Variants in SUMF2 observed in about 807,000 individuals in gnomAD.
SUMF2 encodes the protein inactive C-alpha-formylglycine-generating enzyme 2.
A neutral mutation model predicts 44.8 loss-of-function variants in SUMF2; 45 were observed. That is an observed-to-expected ratio of 1.00 (90% CI 0.79 to 1.29). The LOEUF is 1.29. Among genes scored for constraint, SUMF2 ranks in the 50% most tolerant of loss-of-function variants. The pLI is 0.00. For synonymous variants in SUMF2, 148 were observed against 150.4 expected (o/e 0.98, Z 0.12); for missense variants, 418 against 389.9 (o/e 1.07, Z -0.61).
chr7:56,068,569 G>A lies in SUMF2; in HGVS notation c.155G>A (p.Gly52Glu). 1.2e-6 allele frequency: 2 copies of A among 1,614,024 alleles called. No homozygotes were observed. The highest frequency in any genetic ancestry group is 1.7e-6 in the Non-Finnish European group (2 of 1,179,974). ...TNSPDSRDGDGPVREATVKPF... is the reference protein window; with the variant it reads ...TNSPDSRDGDEPVREATVKPF... ...TCTCCAGACAGCAGAGATGGTGACG[G>A]GCCTGTGCGGGAGGCGACAGTGAAA... The change falls in exon 2 of 9, where the codon GGG becomes GAG. Residue 52 changes from glycine (G) to glutamate (E), a missense_variant. Transcript: ENST00000434526.
intron 5 of SUMF2, 68 bp from the exon 6 acceptor site, chr7:56,076,766 T>G: frequency 2.1e-6 from 3 of 1,419,930 alleles, no homozygotes; most frequent in Non-Finnish European, 2.9e-6. Flanking sequence ...TCACTCTTTC[T>G]GTGTTCTTTT....
chr7:56,074,565 T>C, intron 4 of SUMF2, 21 bp from the exon 5 acceptor site: 1 of 1,611,160 alleles, frequency 6.2e-7, no homozygotes, highest in Non-Finnish European at 8.5e-7. Context: ...GAAGCCTGTC[T>C]CACTTAATCC....
At chr7:56,081,400 G>C (rs1584617053), downstream of SUMF2, 1 of 1,438,236 alleles carries the variant, frequency 7.0e-7, no homozygotes, top group East Asian at 2.4e-5. The surrounding 1 kb of genome is among the most constrained non-coding windows in gnomAD (Gnocchi z 4.6). Flanking sequence ...CGAAGCCTTG[G>C]GTGGCTTCTG....
chr7:56,076,855 A>C lies in SUMF2; in HGVS notation c.557A>C (p.Asn186Thr). Reference sequence around the variant, plus strand: ...GCAGGTCAAGTTTACCCATGGGGGAACTGGTTCCAGCCAAACCGCACCAAC... The same window carrying C: ...GCAGGTCAAGTTTACCCATGGGGGACCTGGTTCCAGCCAAACCGCACCAAC... ...GLKGQVYPWG[N>T]WFQPNRTNLW... Residue 186 changes from asparagine (N) to threonine (T), a missense_variant, in exon 6 of 9, where the codon AAC (asparagine) becomes ACC (threonine). By Grantham distance (65) the Asn-to-Thr change is moderately conservative (BLOSUM62 0). Coordinates refer to ENST00000434526, the MANE Select transcript of SUMF2 (RefSeq NM_015411.4). 1 of 1,602,950 alleles carries C rather than the reference A, an allele frequency of 6.2e-7. No individual in the cohort carries two copies. Among genetic ancestry groups the C allele is most frequent in the Non-Finnish European group, 8.5e-7 (1 of 1,174,560 alleles).
chr7:56,082,030 T>C (rs1354043119), downstream of SUMF2: 7 of 1,613,374 alleles, frequency 4.3e-6, no homozygotes, highest in Non-Finnish European at 5.9e-6. Flanking sequence ...GTGTACATGA[T>C]GACGCCAGTG....
rs949808656 is a variant in SUMF2, at chr7:56,077,047, C to CTT, written c.591+174_591+175dup. Among the ~76,000 whole-genome samples the CTT allele has an allele frequency of 2.3e-3, 308 of 135,358 alleles. 2 individuals carry two copies. Among genetic ancestry groups the CTT allele is most frequent in the African/African-American group, 7.5e-3 (280 of 37,260 alleles). 88.8% of individuals were successfully genotyped at this position (135,358 alleles called of 152,430 possible). ...AAAGACAATGGGTCATAAGTGCTTT[C>CTT]TTTTTTTTTTTTTTTTTGAGACAGA... On this transcript the variant is annotated intron_variant, in intron 6 of 8. Transcript: ENST00000434526.
chr7:56,071,334 G>C (rs1021950977), intron 2 of SUMF2, among the ~76,000 whole-genome samples: 3 of 152,148 alleles, frequency 2.0e-5, no homozygotes, highest in Non-Finnish European at 4.4e-5. Flanking sequence ...TGCAGTCTGG[G>C]TGACAGAGTG....
chr7:56,076,856 CTGGTTCCA>C lies in SUMF2; in HGVS notation c.559_566del (p.Trp187AlafsTer18). 6.2e-7 allele frequency: 1 copy of C among 1,603,488 alleles called. No individual in the cohort carries two copies. The highest frequency in any genetic ancestry group is 8.5e-7 in the Non-Finnish European group (1 of 1,174,820). ...CAGGTCAAGTTTACCCATGGGGGAA[CTGGTTCCA>C]GCCAAACCGCACCAACCTGTGGCAG... is the stretch of plus-strand genomic sequence containing the variant. On this transcript the variant is annotated frameshift_variant, in exon 6 of 9. Coordinates refer to ENST00000434526, the MANE Select transcript of SUMF2 (RefSeq NM_015411.4). LOFTEE classifies it high-confidence loss of function.
chr7:56,074,523 A>C (rs1584591498), intron 4 of SUMF2, 63 bp from the exon 5 acceptor site: 1 of 1,592,568 alleles, frequency 6.3e-7, no homozygotes, highest in South Asian at 1.1e-5. Context: ...GGCGCCCTAA[A>C]CCTAGCCTGC....
chr7:56,073,901 G>T (rs1437306228), intron 3 of SUMF2: 2 of 528,848 alleles, frequency 3.8e-6, no homozygotes, highest in East Asian at 6.5e-5. Flanking sequence ...TGTAGTCCCA[G>T]CTACTCAGGA....
At chr7:56,087,915 G>C in the SUMF2 span, 1 of 656,156 alleles carries the variant, frequency 1.5e-6, no homozygotes. Flanking sequence ...TTTGGAAATG[G>C]TGGATGAATA....
At chr7:56,068,452 A>C in intron 1 of SUMF2, 30 bp from the exon 2 acceptor site, 1 of 1,590,914 alleles carries the variant, frequency 6.3e-7, no homozygotes, top group Non-Finnish European at 8.5e-7. Flanking sequence ...ATATGCATGT[A>C]TTACTGGTAA....
intron 2 of SUMF2, among the ~76,000 whole-genome samples, chr7:56,068,901 C>T (rs527463723): frequency 3.5e-4 from 53 of 150,814 alleles, no homozygotes; most frequent in African/African-American, 1.3e-3. Flanking sequence ...TTAGTAGAGA[C>T]GGGGTTTCTC....
downstream of SUMF2, chr7:56,082,046 C>T (rs757769249): frequency 5.6e-6 from 9 of 1,612,300 alleles, no homozygotes; most frequent in South Asian, 7.7e-5. Flanking sequence ...CAGTGCTCCA[C>T]CTGGACATGC....
the SUMF2 span, chr7:56,086,866 CAGCGCAGG>C: frequency 1.1e-6 from 1 of 874,228 alleles, no homozygotes; most frequent in Admixed American, 1.7e-5. Context: ...TTGGCATCCT[CAGCGCAGG>C]AGCTGGCTGT....
At chr7:56,081,788 C>A (rs1421142488), downstream of SUMF2, 1 of 1,522,600 alleles carries the variant, frequency 6.6e-7, no homozygotes, top group Admixed American at 1.8e-5. The surrounding 1 kb of genome is among the most constrained non-coding windows in gnomAD (Gnocchi z 4.6). Flanking sequence ...CCGAGAATGT[C>A]AAGGCAGGTC....
chr7:56,068,004 C>G (rs1051384201), intron 1 of SUMF2, among the ~76,000 whole-genome samples: 2 of 148,460 alleles, frequency 1.3e-5, no homozygotes, highest in Non-Finnish European at 3.0e-5. Flanking sequence ...ACAAACAAAA[C>G]GCAAAAGGAA....
At chr7:56,068,388 G>C (rs1794948622) in intron 1 of SUMF2, 94 bp from the exon 2 acceptor site, 2 of 1,253,334 alleles carry the variant, frequency 1.6e-6, no homozygotes, top group Non-Finnish European at 2.2e-6. Flanking sequence ...GTTGTGTTTT[G>C]TTATACCATC....
chr7:56,082,022 G>T (rs1206377809), downstream of SUMF2: 1 of 1,613,774 alleles, frequency 6.2e-7, no homozygotes, highest in Non-Finnish European at 8.5e-7. Context: ...CCAGCAGCGT[G>T]TACATGATGA....
Sources: allele counts gnomAD v4.1 joint callset (sites outside exome capture counted in the v4.1 genomes callset), GRCh38; gene constraint gnomAD v4.1.1; non-coding constraint Gnocchi (gnomAD v3.1); transcripts MANE v1.5; gene names NCBI Gene and HGNC (gene_info 2026-07-23, HGNC 2026-07-21).